MAGI1: variants seen among roughly 807,000 people sequenced by gnomAD.
MAGI1 encodes the protein membrane-associated guanylate kinase, WW and PDZ domain-containing protein 1.
MAGI1 carries 58 observed loss-of-function variants against 139.9 expected under a neutral mutation model. The observed-to-expected ratio is 0.41, with a 90% CI of 0.34 to 0.52. MAGI1 has a LOEUF of 0.52. MAGI1 is among the 20% of genes least tolerant of loss of function. The probability of loss-of-function intolerance (pLI) is 0.12; values close to 1 mark genes in which losing one functional copy is unlikely to be tolerated. For synonymous variants in MAGI1, 812 were observed against 737.9 expected (o/e 1.10, Z -1.63); for missense variants, 1,874 against 1,901.6 (o/e 0.99, Z 0.27).
chr3:65,733,400 T>C (rs1482773289), intron 1 of MAGI1, among the ~76,000 whole-genome samples: 1 of 152,218 alleles, frequency 6.6e-6, no homozygotes, highest in Admixed American at 6.5e-5. Flanking sequence ...AAATTAATTG[T>C]ATGTAAAAAT....
chr3:65,565,927 A>G (rs2080604102), intron 2 of MAGI1, among the ~76,000 whole-genome samples: 1 of 151,788 alleles, frequency 6.6e-6, no homozygotes, highest in South Asian at 2.1e-4. Context: ...TCCTTACCAC[A>G]TGATGCAACA....
At chr3:65,737,377 A>T (rs1297454651) in intron 1 of MAGI1, among the ~76,000 whole-genome samples, 6 of 152,352 alleles carry the variant, frequency 3.9e-5, no homozygotes, top group Admixed American at 3.9e-4. Context: ...AGATGGATGG[A>T]TGAATAAATC....
intron 1 of MAGI1, among the ~76,000 whole-genome samples, chr3:65,986,358 C>T (rs934242082): frequency 6.6e-6 from 1 of 152,196 alleles, no homozygotes; most frequent in South Asian, 2.1e-4. Context: ...AACCTAAACG[C>T]TAATTTTATC....
Position 65,940,378 on chromosome 3 carries a change from G to C in MAGI1, c.313+97618C>G, listed in dbSNP as rs74795753. Among the ~76,000 whole-genome samples the C allele has an allele frequency of 2.2e-3, 333 of 152,336 alleles. 2 individuals are homozygous for C. The East Asian group carries it at 0.029, about 13-fold the overall frequency. ...CAGAGCTCTGGAGGCTGAAGTCTAA[G>C]ATCAGGGTTCCAGCACAGTCAGATT... On this transcript the variant is annotated intron_variant, in intron 1 of 22. Coordinates refer to ENST00000402939, the MANE Select transcript of MAGI1 (RefSeq NM_001033057.2).
intron 2 of MAGI1, among the ~76,000 whole-genome samples, chr3:65,572,467 G>A: frequency 6.6e-6 from 1 of 152,170 alleles, no homozygotes; most frequent in African/African-American, 2.4e-5. Context: ...AACCAGCTGG[G>A]GAGTTACTAC....
intron 1 of MAGI1, among the ~76,000 whole-genome samples, chr3:65,756,289 G>C (rs771052005): frequency 1.3e-5 from 2 of 152,150 alleles, no homozygotes; most frequent in Non-Finnish European, 2.9e-5. Flanking sequence ...TTTTTACACA[G>C]CATAAATAAG....
At chr3:65,614,925 G>T (rs1397639105) in intron 2 of MAGI1, among the ~76,000 whole-genome samples, 2 of 151,960 alleles carry the variant, frequency 1.3e-5, no homozygotes, top group Non-Finnish European at 2.9e-5. Context: ...TGGAGGCTGA[G>T]GTGGGAGGAT....
intron 2 of MAGI1, among the ~76,000 whole-genome samples, chr3:65,538,572 C>T (rs2079063101): frequency 6.6e-6 from 1 of 152,150 alleles, no homozygotes; most frequent in Non-Finnish European, 1.5e-5. Flanking sequence ...TCTTAGAAAT[C>T]TGGCAAATAC....
intron 1 of MAGI1, among the ~76,000 whole-genome samples, chr3:65,728,521 T>A (rs978279230): frequency 3.3e-5 from 5 of 152,078 alleles, no homozygotes; most frequent in African/African-American, 9.7e-5. Context: ...AGAGAAGTAA[T>A]TCACCCCTAA....
At chr3:65,727,203 T>C (rs1219656467) in intron 1 of MAGI1, among the ~76,000 whole-genome samples, 12 of 152,206 alleles carry the variant, frequency 7.9e-5, no homozygotes, top group South Asian at 2.1e-4. Flanking sequence ...TAAAAGAATA[T>C]GATACTGTTG....
intron 1 of MAGI1, among the ~76,000 whole-genome samples, chr3:65,671,274 C>T (rs2086841358): frequency 6.6e-6 from 1 of 152,186 alleles, no homozygotes; most frequent in African/African-American, 2.4e-5. Flanking sequence ...GTTTCTCAAT[C>T]TTGGCACTAC....
At chr3:65,708,345 C>G (rs189071317) in intron 1 of MAGI1, among the ~76,000 whole-genome samples, 1 of 151,376 alleles carries the variant, frequency 6.6e-6, no homozygotes, top group Non-Finnish European at 1.5e-5. Flanking sequence ...CTTGTAATTA[C>G]CAGTGAGAAG....
intron 1 of MAGI1, among the ~76,000 whole-genome samples, 155 bp from the exon 2 acceptor site, chr3:65,622,243 G>A (rs772571350): frequency 6.6e-6 from 1 of 152,072 alleles, no homozygotes; most frequent in East Asian, 1.9e-4. Context: ...CCTCTGCAGG[G>A]GTAAAGTCAA....
At chr3:65,802,860 G>A (rs1219448877) in intron 1 of MAGI1, among the ~76,000 whole-genome samples, 1 of 151,032 alleles carries the variant, frequency 6.6e-6, no homozygotes, top group Non-Finnish European at 1.5e-5. Flanking sequence ...GTGTGTGTGT[G>A]TGTGTGTGTG....
chr3:65,748,699 T>C (rs981783340), intron 1 of MAGI1, among the ~76,000 whole-genome samples: 66 of 152,190 alleles, frequency 4.3e-4, no homozygotes, highest in African/African-American at 1.3e-3. Context: ...TTTATACAGC[T>C]TGACACATGT....
At chr3:65,971,338 G>C (rs1445266150) in intron 1 of MAGI1, among the ~76,000 whole-genome samples, 1 of 152,200 alleles carries the variant, frequency 6.6e-6, no homozygotes. Context: ...ATGGATTATG[G>C]TCTTAAGTGA....
chr3:65,406,174 C>A (rs751030828), intron 12 of MAGI1, among the ~76,000 whole-genome samples: 1 of 151,872 alleles, frequency 6.6e-6, no homozygotes, highest in African/African-American at 2.4e-5. Flanking sequence ...ATTAAAGAAC[C>A]CTCATAGATT....
chr3:65,997,384 C>T (rs143520101), intron 1 of MAGI1, among the ~76,000 whole-genome samples: 144 of 152,246 alleles, frequency 9.5e-4, no homozygotes, highest in South Asian at 3.3e-3. Context: ...CAGCCAGGCG[C>T]GGTGGCTCAC....
chr3:65,402,762 G>A (rs186802522), intron 12 of MAGI1, among the ~76,000 whole-genome samples: 4 of 152,232 alleles, frequency 2.6e-5, no homozygotes, highest in East Asian at 3.9e-4. Context: ...CAGATGAGCC[G>A]GCAGAGTGCC....
Sources: allele counts gnomAD v4.1 joint callset (sites outside exome capture counted in the v4.1 genomes callset), GRCh38; gene constraint gnomAD v4.1.1; transcripts MANE v1.5; gene names NCBI Gene and HGNC (gene_info 2026-07-23, HGNC 2026-07-21).